Variants in OAS1 observed in about 807,000 individuals in gnomAD.
OAS1 encodes the protein 2'-5'-oligoadenylate synthetase 1.
In OAS1, 24 loss-of-function variants were observed where a neutral mutation model predicts 38.5. The ratio of observed to expected loss-of-function variants is 0.62; its 90% confidence interval spans 0.45 to 0.88. OAS1 has a LOEUF of 0.88. OAS1 is among the 40% of genes least tolerant of loss of function. The pLI is 0.00. For missense variants in OAS1, 482 were observed against 493.9 expected (o/e 0.98, Z 0.23); for synonymous variants, 169 against 193.9 (o/e 0.87, Z 1.07).
intron 2 of OAS1, among the ~76,000 whole-genome samples, chr12:112,909,832 T>C (rs980612119): frequency 5.3e-5 from 8 of 152,216 alleles, no homozygotes; most frequent in African/African-American, 1.9e-4. Context: ...CGGCTACTAT[T>C]AAACTGAACT....
chr12:112,914,813 A>G (rs2136312940), intron 3 of OAS1, among the ~76,000 whole-genome samples: 1 of 149,544 alleles, frequency 6.7e-6, no homozygotes, highest in South Asian at 2.1e-4. Context: ...ATATGTATAC[A>G]TGTGCCATGC....
intron 3 of OAS1, 85 bp from the exon 4 acceptor site, chr12:112,916,424 C>A: frequency 1.1e-6 from 1 of 941,716 alleles, no homozygotes; most frequent in Non-Finnish European, 1.7e-6. Flanking sequence ...AAACAGGTGG[C>A]AGGCTGGATT....
chr12:112,929,794 A>G (rs1376390052), intron 6 of OAS1, among the ~76,000 whole-genome samples: 1 of 152,148 alleles, frequency 6.6e-6, no homozygotes, highest in African/African-American at 2.4e-5. Context: ...GGAGATAAGC[A>G]AGAAGATGAT....
chr12:112,917,006 A>G (rs1344607066), intron 4 of OAS1: 1 of 438,126 alleles, frequency 2.3e-6, no homozygotes, highest in Non-Finnish European at 4.2e-6. Context: ...ACAGAAAATG[A>G]GTAAAATAGC....
At chr12:112,919,025 C>A in intron 5 of OAS1, 1 of 286,114 alleles carries the variant, frequency 3.5e-6, no homozygotes, top group Non-Finnish European at 6.8e-6. Context: ...AACAGGGATG[C>A]AGAGCGAATG....
intron 5 of OAS1, chr12:112,918,048 AT>A: frequency 3.0e-6 from 2 of 666,368 alleles, no homozygotes; most frequent in African/African-American, 1.9e-5. Flanking sequence ...ATTTTTAAAA[AT>A]TTTTTATTAT....
chr12:112,925,073 T>C (rs1240273222), intron 6 of OAS1, among the ~76,000 whole-genome samples: 1 of 152,172 alleles, frequency 6.6e-6, no homozygotes. Context: ...AAAGAGTTAA[T>C]GTTTAGCCAA....
At chr12:112,912,160 A>C (rs1160565498) in intron 3 of OAS1, among the ~76,000 whole-genome samples, 1 of 152,196 alleles carries the variant, frequency 6.6e-6, no homozygotes, top group Non-Finnish European at 1.5e-5. Flanking sequence ...CAACATGGCA[A>C]AACCTCGTCT....
At chr12:112,924,032 C>T (rs1402954018), downstream of OAS1, among the ~76,000 whole-genome samples, 3 of 152,202 alleles carry the variant, frequency 2.0e-5, no homozygotes, top group African/African-American at 7.2e-5. Context: ...ACCAAAAGCA[C>T]AGACAACAAA....
chr12:112,919,851 G>T lies in OAS1; in HGVS notation c.*298G>T. 2.2e-6 allele frequency: 2 copies of T among 899,752 alleles called. No individual in the cohort carries two copies. The highest frequency in any genetic ancestry group is 3.7e-5 in the South Asian group (2 of 53,558). The allele number at this position is 899,752 out of a possible 1,614,324, so 55.7% of individuals were successfully genotyped here. A position where few individuals can be genotyped will look rare whatever the true frequency, so the allele number is the denominator to read the frequency against. On this transcript the variant is annotated 3_prime_UTR_variant, in exon 6 of 6. Coordinates refer to ENST00000202917, the MANE Select transcript of OAS1 (RefSeq NM_016816.4). ...TTGACTTTCTTCTGTGCACCTGATGGGAGGGTAATGTCTAATGTATTATCA... is the reference window on the plus strand; with the variant it reads ...TTGACTTTCTTCTGTGCACCTGATGTGAGGGTAATGTCTAATGTATTATCA...
Position 112,919,744 on chromosome 12 carries a change from C to T in OAS1, c.*191C>T. The T allele has an allele frequency of 6.8e-7, 1 of 1,470,856 alleles. No individual in the cohort carries two copies. Among genetic ancestry groups the T allele is most frequent in the Non-Finnish European group, 9.0e-7 (1 of 1,106,702 alleles). The allele number at this position is 1,470,856 out of a possible 1,614,324, so 91.1% of individuals were successfully genotyped here. A position where few individuals can be genotyped will look rare whatever the true frequency, so the allele number is the denominator to read the frequency against. On this transcript the variant is annotated 3_prime_UTR_variant, in exon 6 of 6. Coordinates refer to ENST00000202917, the MANE Select transcript of OAS1 (RefSeq NM_016816.4). ...CTATCATAGATAACATTCTCCACAG[C>T]CTCACTTCATTCCACCTATTCTCTG...
chr12:112,924,121 A>G (rs2043545901), downstream of OAS1, among the ~76,000 whole-genome samples: 1 of 152,242 alleles, frequency 6.6e-6, no homozygotes, highest in Non-Finnish European at 1.5e-5. Flanking sequence ...TTATCCCAGC[A>G]GCATTTATTG....
chr12:112,925,265 C>T (rs1777560835), intron 6 of OAS1, among the ~76,000 whole-genome samples: 1 of 152,106 alleles, frequency 6.6e-6, no homozygotes, highest in Non-Finnish European at 1.5e-5. Flanking sequence ...GTCTTTGAGG[C>T]CCTGCGTGAA....
chr12:112,919,409 C>T lies in OAS1; in HGVS notation c.1059C>T (p.Asp353=), dbSNP rs752510340. 39 of 1,613,468 alleles carry T rather than the reference C, an allele frequency of 2.4e-5. No individual in the cohort carries two copies. Among genetic ancestry groups the T allele is most frequent in the East Asian group, 8.9e-5 (4 of 44,890 alleles). ...WILLAESNSA[D]DETDDPRRYQ... ...TTCAGGCTGAAAGCAACAGTGCAGACGATGAGACCGACGATCCCAGGAGGT... is the reference window on the plus strand; with the variant it reads ...TTCAGGCTGAAAGCAACAGTGCAGATGATGAGACCGACGATCCCAGGAGGT... Residue 353 remains aspartate (D), a synonymous_variant, in exon 6 of 6, where the codon GAC becomes GAT. Coordinates refer to ENST00000202917, the MANE Select transcript of OAS1 (RefSeq NM_016816.4).
At chr12:112,917,920 GA>G in intron 5 of OAS1, 2 of 1,442,360 alleles carry the variant, frequency 1.4e-6, no homozygotes, top group Non-Finnish European at 1.8e-6. Flanking sequence ...ATTCCCCTAA[GA>G]GTAATAATAA....
rs376615195 is a variant in OAS1 at position 112,916,489 on chromosome 12, A to G, written c.655-20A>G. ...AGTTGAGCAAACCAATTTTTTTCTG[A>G]TTGTTTTTCCTCTTCTCAGTGTAAG... On this transcript the variant is annotated intron_variant, in intron 3 of 5. Transcript: ENST00000202917. 1 of 1,602,674 alleles carries G rather than the reference A, an allele frequency of 6.2e-7. No homozygotes were observed. The highest frequency in any genetic ancestry group is 1.3e-5 in the African/African-American group (1 of 74,338).
chr12:112,929,926 G>A (rs1293420125), intron 6 of OAS1, among the ~76,000 whole-genome samples: 2 of 152,262 alleles, frequency 1.3e-5, no homozygotes, highest in African/African-American at 2.4e-5. Context: ...AATAAACTGA[G>A]GCTGATATAG....
At chr12:112,932,464 GC>G (rs1288658513), downstream of OAS1, 1 of 152,928 alleles carries the variant, frequency 6.5e-6, no homozygotes, top group Non-Finnish European at 1.5e-5. Flanking sequence ...TCAATGGCCA[GC>G]CCCTGTAATC....
chr12:112,927,976 G>A (rs1260816160), intron 6 of OAS1, among the ~76,000 whole-genome samples: 1 of 152,196 alleles, frequency 6.6e-6, no homozygotes, highest in East Asian at 1.9e-4. Context: ...GACAGCCTCA[G>A]AACTGTGGAT....
Sources: gnomAD v4.1 joint callset for allele counts (sites outside exome capture counted in the v4.1 genomes callset) on GRCh38, gnomAD v4.1.1 for gene constraint, MANE v1.5 for transcripts, NCBI Gene and HGNC (gene_info 2026-07-23, HGNC 2026-07-21) for gene names.